The following ARNT variants were observed in gnomAD, a reference collection of about 807,000 sequenced individuals.
ARNT encodes the protein class E basic helix-loop-helix protein 2.
ARNT carries 30 observed loss-of-function variants against 105.0 expected under a neutral mutation model. That is an observed-to-expected ratio of 0.29 (90% CI 0.21 to 0.39). The LOEUF is 0.39. ARNT is among the 10% of genes least tolerant of loss of function. ARNT has a pLI of 1.00. For synonymous variants in ARNT, 304 were observed against 344.0 expected, an observed-to-expected ratio of 0.88 and a Z score of 1.29; for missense variants, 748 against 978.7, an observed-to-expected ratio of 0.76 and a Z score of 3.15.
chr1:150,829,250 G>C, intron 11 of ARNT, 23 bp from the exon 12 acceptor site: 1 of 1,606,988 alleles, frequency 6.2e-7, no homozygotes, highest in South Asian at 1.1e-5. Context: ...AGATAAAAAT[G>C]AGGTAAAATG....
rs926835968 is a variant in ARNT at position 150,842,226 on chromosome 1, A to G, written c.272+198T>C. 7 of 982,104 alleles carry G rather than the reference A, an allele frequency of 7.1e-6. No homozygotes were observed. In the African/African-American group the frequency reaches 1.2e-4, roughly 17 times the overall value. 60.8% of individuals were successfully genotyped at this position (982,104 alleles called of 1,614,324 possible). Reference sequence around the variant, plus strand: ...TAGCAATTTCTTAAATCCCTAAGCAAAGTTCCCTCAACTCACCCACTTTCT... The same window carrying G: ...TAGCAATTTCTTAAATCCCTAAGCAGAGTTCCCTCAACTCACCCACTTTCT... On this transcript the variant is annotated intron_variant, in intron 5 of 21. Transcript: ENST00000358595.
chr1:150,857,204 C>T (rs929914622), intron 2 of ARNT, among the ~76,000 whole-genome samples: 1 of 152,198 alleles, frequency 6.6e-6, no homozygotes, highest in Non-Finnish European at 1.5e-5. Flanking sequence ...TCTTTCTACA[C>T]TGAAACATAT....
chr1:150,866,562 A>T (rs587763840), intron 1 of ARNT, among the ~76,000 whole-genome samples: 8 of 152,332 alleles, frequency 5.3e-5, no homozygotes, highest in Non-Finnish European at 1.0e-4. Context: ...AATGAGAGAA[A>T]GGGAGCAGAG....
chr1:150,846,571 T>C (rs916178223), intron 3 of ARNT, among the ~76,000 whole-genome samples: 1 of 152,182 alleles, frequency 6.6e-6, no homozygotes, highest in Non-Finnish European at 1.5e-5. Flanking sequence ...CTGACTGGCC[T>C]GTCAGCACAA....
chr1:150,847,683 T>A (rs1662503150), intron 3 of ARNT, among the ~76,000 whole-genome samples: 1 of 152,198 alleles, frequency 6.6e-6, no homozygotes, highest in Non-Finnish European at 1.5e-5. Context: ...CACAGTGAAG[T>A]TCCACTAATA....
chr1:150,815,863 CAAAAAAAAA>C (rs35003478), intron 19 of ARNT, among the ~76,000 whole-genome samples: 2 of 122,044 alleles, frequency 1.6e-5, no homozygotes, highest in South Asian at 5.4e-4. Flanking sequence ...GACTCTGTCT[CAAAAAAAAA>C]AAAAAAAAGA....
chr1:150,826,453 C>T, intron 13 of ARNT, 90 bp downstream of exon 13: 7 of 1,015,516 alleles, frequency 6.9e-6, no homozygotes, highest in East Asian at 2.4e-5. Context: ...AACTGTAGTG[C>T]CTGCCACAGT....
intron 1 of ARNT, among the ~76,000 whole-genome samples, chr1:150,867,585 A>G (rs10305661): frequency 2.0e-5 from 3 of 152,166 alleles, no homozygotes; most frequent in Non-Finnish European, 4.4e-5. Flanking sequence ...AGTTTATGTG[A>G]GAAGCCAGGA....
At chr1:150,841,951 G>T (rs1661369559) in intron 5 of ARNT, among the ~76,000 whole-genome samples, 1 of 152,206 alleles carries the variant, frequency 6.6e-6, no homozygotes, top group Admixed American at 6.5e-5. Flanking sequence ...TAGTTCTGTT[G>T]TGAGAATAAT....
chr1:150,817,009 G>C, intron 17 of ARNT, 73 bp downstream of exon 17: 1 of 1,603,896 alleles, frequency 6.2e-7, no homozygotes, highest in Non-Finnish European at 8.5e-7. Context: ...GAAGATTACT[G>C]ACTGGGCAGT....
intron 21 of ARNT, 111 bp from the exon 22 acceptor site, chr1:150,812,221 G>T: frequency 1.4e-6 from 1 of 713,292 alleles, no homozygotes; most frequent in Non-Finnish European, 2.1e-6. Context: ...AGTCTTTGCT[G>T]TGCTGAGCTC....
intron 13 of ARNT, among the ~76,000 whole-genome samples, chr1:150,824,643 C>T (rs955013149): frequency 4.6e-5 from 7 of 151,380 alleles, no homozygotes; most frequent in East Asian, 2.0e-4. Flanking sequence ...TTAGTAGAGA[C>T]GGGTTTTCAC....
chr1:150,829,061 A>G, intron 12 of ARNT, 32 bp downstream of exon 12: 1 of 1,609,924 alleles, frequency 6.2e-7, no homozygotes, highest in Admixed American at 1.7e-5. Flanking sequence ...GCCAAAGGAA[A>G]ATGGAGGCCT....
At chr1:150,848,993 C>T (rs945040115) in intron 3 of ARNT, among the ~76,000 whole-genome samples, 2 of 151,990 alleles carry the variant, frequency 1.3e-5, no homozygotes, top group Non-Finnish European at 1.5e-5. Flanking sequence ...CACCTGAGGT[C>T]GGCAGTTCAA....
chr1:150,839,943 G>A (rs1272526553), intron 5 of ARNT, among the ~76,000 whole-genome samples: 1 of 152,024 alleles, frequency 6.6e-6, no homozygotes, highest in Non-Finnish European at 1.5e-5. Flanking sequence ...AACAAAAGCT[G>A]TTTTAAGAAA....
At chr1:150,821,828 CTTTTTT>C (rs367766946) in intron 14 of ARNT, among the ~76,000 whole-genome samples, 41,682 of 114,532 alleles carry the variant, frequency 0.36, 6,812 homozygotes, top group South Asian at 0.52. Flanking sequence ...TTTGTATTTT[CTTTTTT>C]TTTTTTTTTT....
chr1:150,823,348 GA>G lies in ARNT; in HGVS notation c.1243-4del. On this transcript the variant is annotated splice_polypyrimidine_tract_variant and splice_region_variant and intron_variant, in intron 13 of 21. Transcript: ENST00000358595. ...ACTTGGCCTTTTAATTTCACTACCT[GA>G]AAAAGTTTTCATGCCATCAGTGGAA... 1 of 1,586,094 alleles carries G rather than the reference GA, an allele frequency of 6.3e-7. No individual in the cohort carries two copies. Among genetic ancestry groups the G allele is most frequent in the South Asian group, 1.2e-5 (1 of 86,578 alleles).
Position 150,811,777 on chromosome 1 carries a change from A to C in ARNT, c.*244T>G. 1 of 327,482 alleles carries C rather than the reference A, an allele frequency of 3.1e-6. No individual in the cohort carries two copies. Among genetic ancestry groups the C allele is most frequent in the Middle Eastern group, 8.3e-4 (1 of 1,204 alleles). 20.3% of individuals were successfully genotyped at this position (327,482 alleles called of 1,614,324 possible). On this transcript the variant is annotated 3_prime_UTR_variant, in exon 22 of 22. Transcript: ENST00000358595. ...CAGGAGACATAAGGAAAGGTGTTTT[A>C]ACTTCACCCAGCCTCAAATTTTCAG...
rs1412602917 is a variant in ARNT at position 150,814,142 on chromosome 1, C to T, written c.2048G>A (p.Gly683Asp). The T allele has an allele frequency of 6.2e-7, 1 of 1,614,070 alleles. No individual in the cohort carries two copies. The highest frequency in any genetic ancestry group is 1.1e-5 in the South Asian group (1 of 91,076). Residue 683 changes from glycine to aspartate, a missense_variant, in exon 20 of 22, where the codon GGT becomes GAT. Around this residue, in one of 4 missense-constraint regions of ARNT, gnomAD observed 360 missense variants for 411.9 expected, o/e 0.87. Coordinates refer to ENST00000358595, the MANE Select transcript of ARNT (RefSeq NM_001668.4). ...PSSFSSMSLP[G>D]APTASPGAAA... ...AGCACCAGGCGATGCAGTTGGGGCA[C>T]CAGGGAGGGACATGGAGCTGAAGGA...
Sources: allele counts gnomAD v4.1 joint callset (sites outside exome capture counted in the v4.1 genomes callset), GRCh38; gene constraint gnomAD v4.1.1; regional missense constraint gnomAD v4.1.1; transcripts MANE v1.5; gene names NCBI Gene and HGNC (gene_info 2026-07-23, HGNC 2026-07-21).